The following GRIA2 variants were observed in gnomAD, a reference collection of about 807,000 sequenced individuals.
GRIA2 encodes glutamate ionotropic receptor AMPA type subunit 2, also known as glutamate receptor 2.
GRIA2 carries 14 observed loss-of-function variants against 97.3 expected under a neutral mutation model. The observed-to-expected ratio is 0.14, with a 90% CI of 0.10 to 0.23. GRIA2 has a LOEUF of 0.23. GRIA2 is among the 10% of genes least tolerant of loss of function. The probability of loss-of-function intolerance (pLI) is 1.00; values close to 1 mark genes in which losing one functional copy is unlikely to be tolerated. For missense variants in GRIA2, 558 were observed against 1,069.8 expected, an observed-to-expected ratio of 0.52 and a Z score of 6.67; for synonymous variants, 412 against 387.8, an observed-to-expected ratio of 1.06 and a Z score of -0.73.
chr4:157,258,794 T>C (rs1561014445), intron 2 of GRIA2, among the ~76,000 whole-genome samples: 1 of 152,066 alleles, frequency 6.6e-6, no homozygotes, highest in Non-Finnish European at 1.5e-5. Flanking sequence ...TCTTTCCCTT[T>C]ATTTCTCAGA....
intron 4 of GRIA2, among the ~76,000 whole-genome samples, chr4:157,317,330 G>C (rs1005371303): frequency 3.3e-5 from 5 of 152,036 alleles, no homozygotes; most frequent in African/African-American, 1.2e-4. Flanking sequence ...ATTCTGACTT[G>C]TCATGGACTA....
chr4:157,336,028 A>T, intron 10 of GRIA2, 151 bp downstream of exon 10: 1 of 667,948 alleles, frequency 1.5e-6, no homozygotes, highest in Non-Finnish European at 2.7e-6. Context: ...AACATCTGAA[A>T]GATTAAGATT....
At chr4:157,282,240 C>T (rs1732639518) in intron 2 of GRIA2, among the ~76,000 whole-genome samples, 2 of 151,974 alleles carry the variant, frequency 1.3e-5, no homozygotes, top group African/African-American at 4.8e-5. Flanking sequence ...ATCACATGGC[C>T]GAACCCAGAG....
At chr4:157,298,348 A>G (rs1733447805) in intron 2 of GRIA2, among the ~76,000 whole-genome samples, 1 of 152,124 alleles carries the variant, frequency 6.6e-6, no homozygotes, top group Non-Finnish European at 1.5e-5. Context: ...TGAAAGAAGT[A>G]GAATAAAATT....
intron 2 of GRIA2, among the ~76,000 whole-genome samples, chr4:157,228,539 T>G (rs1317309367): frequency 1.3e-5 from 2 of 152,066 alleles, no homozygotes; most frequent in African/African-American, 4.8e-5. Flanking sequence ...ATGCCTGTAA[T>G]CCCAGCACTT....
At chr4:157,243,058 T>G (rs1207529603) in intron 2 of GRIA2, among the ~76,000 whole-genome samples, 1 of 152,034 alleles carries the variant, frequency 6.6e-6, no homozygotes, top group Non-Finnish European at 1.5e-5. Flanking sequence ...AGGACACTTG[T>G]TTACAGTATG....
chr4:157,340,587 G>T (rs1045150136), intron 11 of GRIA2, among the ~76,000 whole-genome samples: 2 of 149,894 alleles, frequency 1.3e-5, no homozygotes, highest in African/African-American at 2.5e-5. Flanking sequence ...ATTTTTTTTT[G>T]AGCAGGACAC....
chr4:157,264,919 C>T (rs1731702078), intron 2 of GRIA2, among the ~76,000 whole-genome samples: 1 of 152,136 alleles, frequency 6.6e-6, no homozygotes, highest in East Asian at 1.9e-4. Flanking sequence ...GTACTATAAT[C>T]TTATTTAATC....
intron 12 of GRIA2, among the ~76,000 whole-genome samples, chr4:157,343,959 T>C (rs913463176): frequency 5.3e-5 from 8 of 152,208 alleles, no homozygotes; most frequent in Admixed American, 2.0e-4. Context: ...GAAAATATTA[T>C]TTTTGCTTCT....
At chr4:157,303,035 A>G (rs1303001079) in intron 2 of GRIA2, among the ~76,000 whole-genome samples, 1 of 152,152 alleles carries the variant, frequency 6.6e-6, no homozygotes, top group African/African-American at 2.4e-5. Context: ...TTGTGGGGAC[A>G]TGCGTCTGTA....
intron 2 of GRIA2, among the ~76,000 whole-genome samples, chr4:157,250,522 T>C (rs1730974762): frequency 6.6e-6 from 1 of 152,146 alleles, no homozygotes; most frequent in Non-Finnish European, 1.5e-5. Flanking sequence ...CCAGAGTTTC[T>C]TTTCATTCGT....
intron 9 of GRIA2, 50 bp downstream of exon 9, chr4:157,334,170 T>C (rs1458663699): frequency 1.1e-6 from 1 of 871,514 alleles, no homozygotes; most frequent in South Asian, 1.3e-5. Flanking sequence ...TTATGGCTAA[T>C]ATCTGCAGGA....
chr4:157,359,880 C>T lies in GRIA2; in HGVS notation c.2044-16C>T. The T allele has an allele frequency of 1.9e-5, 30 of 1,611,428 alleles. No individual in the cohort carries two copies. The highest frequency in any genetic ancestry group is 2.5e-5 in the Non-Finnish European group (30 of 1,178,218). On this transcript the variant is annotated splice_polypyrimidine_tract_variant and intron_variant, in intron 12 of 15. Coordinates refer to ENST00000264426, the MANE Select transcript of GRIA2 (RefSeq NM_001083619.3). ...GCCATCTCTTAATGCTATCTGGCCC[C>T]TTACTTTTCCTGCAGAGATCTAAAA... is the stretch of plus-strand genomic sequence containing the variant.
rs370123580 is a variant in GRIA2, at chr4:157,321,618, C to T, written c.882+19C>T. 3.2e-6 allele frequency: 5 copies of T among 1,576,566 alleles called. No homozygotes were observed. In the African/African-American group the frequency reaches 6.8e-5, roughly 22 times the overall value. On this transcript the variant is annotated intron_variant, in intron 6 of 15. Coordinates refer to ENST00000264426, the MANE Select transcript of GRIA2 (RefSeq NM_001083619.3). ...AATTAAGGTTTGCTTTGGTTTCTGT[C>T]TTTTCTTTTTCTTTCATATGTGAGG...
At chr4:157,349,517 C>T (rs1490435458) in intron 12 of GRIA2, among the ~76,000 whole-genome samples, 1 of 135,786 alleles carries the variant, frequency 7.4e-6, no homozygotes, top group Non-Finnish European at 1.5e-5. Context: ...TTTGTAACCT[C>T]AAAATATTGA....
chr4:157,294,046 A>G (rs1733228115), intron 2 of GRIA2, among the ~76,000 whole-genome samples: 1 of 152,182 alleles, frequency 6.6e-6, no homozygotes, highest in African/African-American at 2.4e-5. Context: ...ACTATGGCAC[A>G]TGCGCAGGAA....
intron 2 of GRIA2, among the ~76,000 whole-genome samples, chr4:157,228,806 A>AG (rs1561000529): frequency 6.6e-6 from 1 of 150,608 alleles, no homozygotes; most frequent in Non-Finnish European, 1.5e-5. Context: ...AAAAAAAAAA[A>AG]AAAAGAAGGA....
intron 12 of GRIA2, among the ~76,000 whole-genome samples, chr4:157,354,084 A>G (rs1736141468): frequency 1.3e-5 from 2 of 152,196 alleles, no homozygotes; most frequent in South Asian, 2.1e-4. Context: ...CAGTTTGAAT[A>G]CAAATTCTTT....
At chr4:157,226,247 T>C (rs1406684854) in intron 2 of GRIA2, among the ~76,000 whole-genome samples, 1 of 151,924 alleles carries the variant, frequency 6.6e-6, no homozygotes, top group Non-Finnish European at 1.5e-5. Context: ...GATGGAGATG[T>C]TGGAGAAAAT....
Sources: gnomAD v4.1 joint callset for allele counts (sites outside exome capture counted in the v4.1 genomes callset) on GRCh38, gnomAD v4.1.1 for gene constraint, MANE v1.5 for transcripts, NCBI Gene and HGNC (gene_info 2026-07-23, HGNC 2026-07-21) for gene names.